Variants in FRMD6 observed in about 807,000 individuals in gnomAD.
FRMD6 encodes the protein FERM domain-containing protein 6.
FRMD6 carries 37 observed loss-of-function variants against 73.2 expected under a neutral mutation model. The ratio of observed to expected loss-of-function variants is 0.51; its 90% confidence interval spans 0.39 to 0.66. The LOEUF (loss-of-function observed/expected upper bound fraction) is 0.66. Among genes scored for constraint, FRMD6 ranks in the 30% least tolerant of loss-of-function variants. The pLI is 0.00. For missense variants in FRMD6, 714 were observed against 780.5 expected (o/e 0.91, Z 1.02); for synonymous variants, 273 against 282.2 (o/e 0.97, Z 0.33).
chr14:51,536,697 G>T (rs548610305), intron 1 of FRMD6, among the ~76,000 whole-genome samples: 1 of 151,862 alleles, frequency 6.6e-6, no homozygotes. Flanking sequence ...GATTACAGGC[G>T]TGAGCCACCG....
the FRMD6 span, among the ~76,000 whole-genome samples, chr14:51,430,490 G>T: frequency 6.6e-6 from 1 of 151,190 alleles, no homozygotes; most frequent in South Asian, 2.1e-4. Flanking sequence ...AATTGGAGTT[G>T]TTTTTTTTAA....
At chr14:51,628,623 G>A (rs992856414) in intron 2 of FRMD6, among the ~76,000 whole-genome samples, 8 of 151,690 alleles carry the variant, frequency 5.3e-5, no homozygotes, top group Non-Finnish European at 1.2e-4. Context: ...GACCAGCCAG[G>A]CCAACATGGT....
the FRMD6 span, chr14:51,436,203 A>G: frequency 3.1e-6 from 1 of 323,054 alleles, no homozygotes; most frequent in Non-Finnish European, 5.9e-6. Flanking sequence ...TGAAATAGAC[A>G]GACTTAATGA....
chr14:51,653,564 G>A (rs1892589367), intron 1 of FRMD6, among the ~76,000 whole-genome samples: 1 of 152,078 alleles, frequency 6.6e-6, no homozygotes. Flanking sequence ...TTAGAATTTA[G>A]AGCATTATGA....
the FRMD6 span, among the ~76,000 whole-genome samples, chr14:51,447,470 T>G: frequency 5.3e-5 from 8 of 152,128 alleles, no homozygotes; most frequent in Admixed American, 1.3e-4. Context: ...ATCAGAGGCA[T>G]TCTATTGCCT....
chr14:51,666,591 T>C (rs944590543), intron 1 of FRMD6, among the ~76,000 whole-genome samples: 1 of 152,166 alleles, frequency 6.6e-6, no homozygotes, highest in Admixed American at 6.5e-5. Context: ...TTCCTTAACT[T>C]TCTCATATAT....
chr14:51,441,951 T>C, the FRMD6 span, among the ~76,000 whole-genome samples: 1 of 152,188 alleles, frequency 6.6e-6, no homozygotes, highest in Non-Finnish European at 1.5e-5. Flanking sequence ...AAAAATATGC[T>C]GTCTTCTTTA....
Position 51,569,507 on chromosome 14 carries a change from C to CTTTTT in FRMD6, c.-209-827_-209-823dup, listed in dbSNP as rs34661155. On this transcript the variant is annotated intron_variant, in intron 1 of 14. Coordinates refer to the FRMD6 transcript ENST00000356218. Reference sequence around the variant, plus strand: ...AGAATTTTCTTTTCTTTCTTTCTTTCTTTTTTTTTTTTTTTTTTCTGAATC... The same window carrying CTTTTT: ...AGAATTTTCTTTTCTTTCTTTCTTTCTTTTTTTTTTTTTTTTTTTTTTTCTGAATC... Among the ~76,000 whole-genome samples the CTTTTT allele has an allele frequency of 4.4e-4, 54 of 122,780 alleles. 1 individual carries two copies. The highest frequency in any genetic ancestry group is 8.5e-4 in the African/African-American group (28 of 33,118). The allele number at this position is 122,780 out of a possible 152,430, so 80.5% of individuals were successfully genotyped here.
At chr14:51,420,197 A>G in the FRMD6 span, among the ~76,000 whole-genome samples, 1 of 152,234 alleles carries the variant, frequency 6.6e-6, no homozygotes, top group African/African-American at 2.4e-5. Flanking sequence ...TGCATGGAAC[A>G]AAGACTGTAT....
chr14:51,596,130 G>A (rs1414175678), intron 2 of FRMD6, among the ~76,000 whole-genome samples: 1 of 152,160 alleles, frequency 6.6e-6, no homozygotes, highest in Non-Finnish European at 1.5e-5. Context: ...CACAGCCTGG[G>A]ACTGAGTGAC....
intron 4 of FRMD6, 33 bp downstream of exon 4, chr14:51,701,192 AT>A (rs760785845): frequency 1.1e-4 from 148 of 1,307,298 alleles, no homozygotes; most frequent in South Asian, 1.1e-3. Flanking sequence ...AATTATTTTG[AT>A]TTTTTTTAAA....
chr14:51,498,124 C>T (rs144676762), intron 1 of FRMD6, among the ~76,000 whole-genome samples: 29 of 152,218 alleles, frequency 1.9e-4, no homozygotes, highest in Non-Finnish European at 2.5e-4. Flanking sequence ...TTAATTCATC[C>T]GTCTTTCTTC....
intron 2 of FRMD6, among the ~76,000 whole-genome samples, chr14:51,603,450 CT>C (rs1890119669): frequency 6.6e-6 from 1 of 150,792 alleles, no homozygotes; most frequent in African/African-American, 2.4e-5. Context: ...TTTTTTTCTT[CT>C]TTTTGCTTCT....
the FRMD6 span, among the ~76,000 whole-genome samples, chr14:51,481,937 G>T: frequency 6.6e-6 from 1 of 152,084 alleles, no homozygotes; most frequent in South Asian, 2.1e-4. Flanking sequence ...GTTTTATTTT[G>T]TTTGTTCAAA....
Position 51,728,104 on chromosome 14 carries a change from T to G in FRMD6, c.*75T>G. 7.4e-7 allele frequency: 1 copy of G among 1,356,582 alleles called. No homozygotes were observed. Among genetic ancestry groups the G allele is most frequent in the Non-Finnish European group, 1.0e-6 (1 of 989,430 alleles). 84.0% of individuals were successfully genotyped at this position (1,356,582 alleles called of 1,614,324 possible). On this transcript the variant is annotated 3_prime_UTR_variant, in exon 14 of 14. Coordinates refer to ENST00000344768, the MANE Select transcript of FRMD6 (RefSeq NM_001267046.2). ...GCGAAAGTCATAAGTTCTTTACATA[T>G]TACTTGTGCCATATCTTCTTCACCC...
chr14:51,402,700 A>G, the FRMD6 span, among the ~76,000 whole-genome samples: 1 of 147,822 alleles, frequency 6.8e-6, no homozygotes, highest in East Asian at 2.0e-4. Context: ...GTGCGGTGGC[A>G]TGATCTCGGC....
the FRMD6 span, among the ~76,000 whole-genome samples, chr14:51,447,089 G>A: frequency 1.3e-5 from 2 of 152,188 alleles, no homozygotes; most frequent in Non-Finnish European, 2.9e-5. Flanking sequence ...GCAGGCAGAG[G>A]TGTAGGACTC....
chr14:51,529,141 AT>A (rs1167457360), intron 1 of FRMD6, among the ~76,000 whole-genome samples: 1 of 152,226 alleles, frequency 6.6e-6, no homozygotes, highest in Non-Finnish European at 1.5e-5. Flanking sequence ...TTTTCAGTTC[AT>A]GCCTTTCCTC....
chr14:51,480,870 G>A, the FRMD6 span, among the ~76,000 whole-genome samples: 3 of 152,178 alleles, frequency 2.0e-5, no homozygotes, highest in Non-Finnish European at 4.4e-5. Flanking sequence ...TAGCAGTGGT[G>A]GCATGTCACG....
Sources: allele counts gnomAD v4.1 joint callset (sites outside exome capture counted in the v4.1 genomes callset), GRCh38; gene constraint gnomAD v4.1.1; transcripts MANE v1.5; gene names NCBI Gene and HGNC (gene_info 2026-07-23, HGNC 2026-07-21).